EDNRA: variants seen among roughly 807,000 people sequenced by gnomAD.
EDNRA encodes endothelin-1 receptor.
Under a neutral mutation model 41.4 loss-of-function variants are expected in EDNRA, and 11 were observed. The ratio of observed to expected loss-of-function variants is 0.27; its 90% CI spans 0.17 to 0.44. The LOEUF is 0.44. Ranked by LOEUF, EDNRA falls within the 20% of genes least tolerant of loss-of-function variation. The pLI is 1.00. For missense variants in EDNRA, 294 were observed against 531.0 expected (o/e 0.55, Z 4.39); for synonymous variants, 172 against 183.0 (o/e 0.94, Z 0.49).
intron 3 of EDNRA, among the ~76,000 whole-genome samples, chr4:147,525,763 A>C (rs1048421251): frequency 1.3e-5 from 2 of 152,256 alleles, no homozygotes; most frequent in African/African-American, 4.8e-5. Context: ...ATAAAAAGAT[A>C]AAACTCTTTT....
chr4:147,529,376 A>G (rs569165096), intron 3 of EDNRA, among the ~76,000 whole-genome samples: 94 of 152,324 alleles, frequency 6.2e-4, no homozygotes, highest in African/African-American at 1.9e-3. Context: ...CTAGATGGAT[A>G]GTTAAATGAC....
chr4:147,512,326 G>T (rs1230503604), intron 2 of EDNRA, among the ~76,000 whole-genome samples: 3 of 152,152 alleles, frequency 2.0e-5, no homozygotes, highest in African/African-American at 7.2e-5. Flanking sequence ...AATCTTCATG[G>T]CTCTGGAACT....
In EDNRA at chr4:147,542,696, A is replaced by G; in HGVS notation, c.*78A>G. ...TCACAAGGCAACTGTGAGTCCGGGA[A>G]TCTCTTCTCTGATCCTTCTTCCTTA... On this transcript the variant is annotated 3_prime_UTR_variant, in exon 8 of 8. Coordinates refer to ENST00000651419, the MANE Select transcript of EDNRA (RefSeq NM_001957.4). The G allele has an allele frequency of 6.5e-7, 1 of 1,542,868 alleles. No homozygotes were observed. Among genetic ancestry groups the G allele is most frequent in the Non-Finnish European group, 8.8e-7 (1 of 1,139,332 alleles).
intron 4 of EDNRA, among the ~76,000 whole-genome samples, chr4:147,534,185 G>A (rs1039893974): frequency 3.9e-5 from 6 of 152,080 alleles, no homozygotes; most frequent in Admixed American, 3.9e-4. Context: ...AGCTGTTTCT[G>A]CATCATTTAT....
chr4:147,505,203 A>T (rs1477573181), intron 2 of EDNRA, among the ~76,000 whole-genome samples: 1 of 110,664 alleles, frequency 9.0e-6, no homozygotes, highest in African/African-American at 4.7e-5. Flanking sequence ...GCTAAAATGT[A>T]AAAAAAAAAA....
intron 7 of EDNRA, among the ~76,000 whole-genome samples, chr4:147,541,044 G>A (rs1731083865): frequency 7.3e-6 from 1 of 136,778 alleles, no homozygotes; most frequent in South Asian, 2.4e-4. Flanking sequence ...CTCCAGCCTG[G>A]GCGACAGAGC....
In EDNRA at chr4:147,541,222, C is replaced by T. The variant is rs73853932; in HGVS notation, c.1143+737C>T. ...TTCAAAATCAGTTTCCTTCTGCTTT[C>T]AAACCTCCAGCCAGCTCAGCCACCC... On this transcript the variant is annotated intron_variant, in intron 7 of 7. Transcript: ENST00000651419. Among the ~76,000 whole-genome samples the T allele has an allele frequency of 5.0e-3, 765 of 152,206 alleles. 7 individuals carry two copies. Among genetic ancestry groups the T allele is most frequent in the African/African-American group, 0.017 (726 of 41,544 alleles).
In EDNRA at chr4:147,486,126, T is replaced by C; in HGVS notation, c.420+25T>C. Reference sequence around the variant, plus strand: ...GGTAGGAAGTAACCACAAATGTATTTGCAAATTTAAACCCATGCTCTGATT... The same window carrying C: ...GGTAGGAAGTAACCACAAATGTATTCGCAAATTTAAACCCATGCTCTGATT... On this transcript the variant is annotated intron_variant, in intron 2 of 7. Transcript: ENST00000651419. The surrounding 1 kb of genome is among the most constrained non-coding windows in gnomAD (Gnocchi z 4.3). 1.9e-6 allele frequency: 3 copies of C among 1,581,656 alleles called. No homozygotes were observed. Among genetic ancestry groups the C allele is most frequent in the Non-Finnish European group, 1.7e-6 (2 of 1,161,776 alleles).
In EDNRA at chr4:147,535,945, G is replaced by A. The variant is rs200693894; in HGVS notation, c.816G>A (p.Ala272=). 27 of 1,613,328 alleles carry A rather than the reference G, an allele frequency of 1.7e-5. No homozygotes were observed. The highest frequency in any genetic ancestry group is 6.7e-5 in the Admixed American group (4 of 59,918). ...TCTGTATGCCCTTGGTGTGCACTGC[G>A]ATCTTCTACACCCTCATGACTTGTG... ...FYFCMPLVCT[A]IFYTLMTCEM... Residue 272 remains alanine (A), a synonymous_variant, in exon 5 of 8, where the codon GCG becomes GCA. Transcript: ENST00000651419.
chr4:147,481,468 G>C (rs1359039176), intron 1 of EDNRA, 92 bp downstream of exon 1: 1 of 152,484 alleles, frequency 6.6e-6, no homozygotes, highest in Non-Finnish European at 1.5e-5. Flanking sequence ...GGGAGAAGAC[G>C]AGAGCTGGGA....
rs182530930 is a variant in EDNRA at position 147,528,829 on chromosome 4, C to T, written c.549-3677C>T. On this transcript the variant is annotated intron_variant, in intron 3 of 7. Coordinates refer to ENST00000651419, the MANE Select transcript of EDNRA (RefSeq NM_001957.4). ...GTGAAAACTGCAATTGAGTAAAAAC[C>T]GGAAGGAAGTGAGGAAGCAGCTCTG... Among the ~76,000 whole-genome samples, 258 of 152,128 alleles carry T rather than the reference C, an allele frequency of 1.7e-3. 2 individuals are homozygous for T. Among genetic ancestry groups the T allele is most frequent in the African/African-American group, 5.9e-3 (246 of 41,508 alleles).
At chr4:147,511,387 G>T (rs995508096) in intron 2 of EDNRA, among the ~76,000 whole-genome samples, 4 of 152,142 alleles carry the variant, frequency 2.6e-5, no homozygotes, top group African/African-American at 4.8e-5. Flanking sequence ...TCAAGTCAGT[G>T]AGAGCATCAA....
intron 2 of EDNRA, chr4:147,506,908 C>A (rs1729737404): frequency 1.9e-5 from 3 of 153,904 alleles, no homozygotes; most frequent in Admixed American, 1.3e-4. Flanking sequence ...AAACCTATAA[C>A]TGTTGTAAAG....
intron 7 of EDNRA, among the ~76,000 whole-genome samples, chr4:147,541,736 G>A (rs570509164): frequency 6.6e-6 from 1 of 152,278 alleles, no homozygotes; most frequent in East Asian, 1.9e-4. Flanking sequence ...GTTTGGGGCC[G>A]TATTTCTGAG....
rs370521819 is a variant in EDNRA at position 147,525,457 on chromosome 4, T to C, written c.548+5479T>C. Among the ~76,000 whole-genome samples the C allele has an allele frequency of 6.5e-4, 99 of 152,310 alleles. 3 individuals carry two copies. The South Asian group carries it at 0.019, about 29-fold the overall frequency. On this transcript the variant is annotated intron_variant, in intron 3 of 7. Transcript: ENST00000651419. Reference sequence around the variant, plus strand: ...TTTCTTGTTGAATTATCTTTTTAATTCTAAGGCAGTATACTTCTATAATGA... The same window carrying C: ...TTTCTTGTTGAATTATCTTTTTAATCCTAAGGCAGTATACTTCTATAATGA...
chr4:147,524,992 G>C (rs757359912), intron 3 of EDNRA, among the ~76,000 whole-genome samples: 15 of 152,188 alleles, frequency 9.9e-5, no homozygotes, highest in Admixed American at 8.5e-4. Flanking sequence ...GTGAATCCCT[G>C]CTTTCATTTT....
intron 3 of EDNRA, among the ~76,000 whole-genome samples, chr4:147,521,398 CTT>C (rs1258619882): frequency 6.6e-6 from 1 of 152,220 alleles, no homozygotes; most frequent in East Asian, 1.9e-4. Context: ...TCTAGGGTCT[CTT>C]TGGGTTACAT....
chr4:147,531,443 C>T (rs1682564612), intron 3 of EDNRA, among the ~76,000 whole-genome samples: 1 of 152,184 alleles, frequency 6.6e-6, no homozygotes, highest in African/African-American at 2.4e-5. Flanking sequence ...GGTGGTTATT[C>T]ACTCAAGGAT....
At chr4:147,531,982 C>G (rs1241840547) in intron 3 of EDNRA, among the ~76,000 whole-genome samples, 1 of 139,526 alleles carries the variant, frequency 7.2e-6, no homozygotes, top group African/African-American at 2.7e-5. Flanking sequence ...TGAACTCCAG[C>G]CTGGCAGCCT....
Sources: gnomAD v4.1 joint callset for allele counts (sites outside exome capture counted in the v4.1 genomes callset) on GRCh38, gnomAD v4.1.1 for gene constraint, Gnocchi (gnomAD v3.1) non-coding constraint, MANE v1.5 for transcripts, NCBI Gene and HGNC (gene_info 2026-07-23, HGNC 2026-07-21) for gene names.